TNRC6B: variants seen among roughly 807,000 people sequenced by gnomAD.
The protein encoded by TNRC6B is trinucleotide repeat-containing gene 6B protein.
TNRC6B carries 52 observed loss-of-function variants against 203.6 expected under a neutral mutation model. That is an observed-to-expected ratio of 0.26 (90% CI 0.20 to 0.32). The LOEUF (loss-of-function observed/expected upper bound fraction) is 0.32. Ranked by LOEUF, TNRC6B falls within the 10% of genes least tolerant of loss-of-function variation. The pLI is 1.00. For missense variants in TNRC6B, 1,923 were observed against 2,286.2 expected (o/e 0.84, Z 3.24); for synonymous variants, 838 against 845.7 (o/e 0.99, Z 0.16).
chr22:40,081,307 GTTTTTTT>G (rs34140652), intron 1 of TNRC6B, among the ~76,000 whole-genome samples: 3 of 101,504 alleles, frequency 3.0e-5, no homozygotes, highest in Non-Finnish European at 5.7e-5. Flanking sequence ...GTGTCTGCGT[GTTTTTTT>G]TTTTTTTTTT....
chr22:40,289,031 C>G (rs944939789), intron 12 of TNRC6B, among the ~76,000 whole-genome samples: 6 of 151,138 alleles, frequency 4.0e-5, no homozygotes, highest in Non-Finnish European at 7.4e-5. Context: ...CCAAGCTGGT[C>G]TGGGACTCTT....
At chr22:40,197,905 C>G (rs1241170632) in intron 1 of TNRC6B, among the ~76,000 whole-genome samples, 2 of 152,026 alleles carry the variant, frequency 1.3e-5, no homozygotes, top group Admixed American at 6.6e-5. Flanking sequence ...AGCCACCATG[C>G]CTGGCCCATT....
intron 3 of TNRC6B, among the ~76,000 whole-genome samples, chr22:40,152,849 C>G (rs753616515): frequency 1.6e-4 from 24 of 151,784 alleles, no homozygotes; most frequent in Middle Eastern, 6.8e-3. Context: ...ACCTATAATC[C>G]CAGCACTTTG....
rs1195826527 is a variant in TNRC6B, at chr22:40,276,276, G to A, written c.3142-801G>A. On this transcript the variant is annotated intron_variant, in intron 7 of 22. Coordinates refer to ENST00000454349, the MANE Select transcript of TNRC6B (RefSeq NM_001162501.2). ...GCAGGAGAATGGCGTGAGCCCGGGA[G>A]GCAAAGCTTGCAGTGAGTTGGGATG... Among the ~76,000 whole-genome samples the A allele has an allele frequency of 3.3e-5, 5 of 151,828 alleles. No individual in the cohort carries two copies. In the East Asian group the frequency reaches 9.7e-4, roughly 29 times the overall value.
At chr22:40,191,951 A>G (rs1203160771) in intron 1 of TNRC6B, among the ~76,000 whole-genome samples, 7 of 152,166 alleles carry the variant, frequency 4.6e-5, no homozygotes, top group Non-Finnish European at 8.8e-5. Flanking sequence ...GGGTTTCGCC[A>G]TGTTGGCCAG....
At chr22:40,073,888 G>C (rs2082783268) in intron 1 of TNRC6B, among the ~76,000 whole-genome samples, 1 of 152,056 alleles carries the variant, frequency 6.6e-6, no homozygotes, top group African/African-American at 2.4e-5. Flanking sequence ...CGAAACCCCA[G>C]CTCTACTAAA....
intron 3 of TNRC6B, among the ~76,000 whole-genome samples, chr22:40,259,354 G>C (rs1184004301): frequency 2.6e-5 from 4 of 152,088 alleles, no homozygotes; most frequent in Admixed American, 6.5e-5. Flanking sequence ...CTCCTGAGTA[G>C]CTGGGAATAC....
chr22:40,150,141 G>A (rs1201114608), intron 3 of TNRC6B, among the ~76,000 whole-genome samples: 1 of 152,084 alleles, frequency 6.6e-6, no homozygotes, highest in Non-Finnish European at 1.5e-5. Context: ...ACTTTGGGAG[G>A]CCAAGGCGGG....
At chr22:40,183,916 C>T (rs1300356046) in intron 1 of TNRC6B, among the ~76,000 whole-genome samples, 1 of 152,104 alleles carries the variant, frequency 6.6e-6, no homozygotes, top group Non-Finnish European at 1.5e-5. Context: ...AGGCTGATCT[C>T]GAACTCCTGA....
At chr22:40,312,439 A>T (rs981119563) in intron 17 of TNRC6B, 66 bp from the exon 18 acceptor site, 1 of 1,504,270 alleles carries the variant, frequency 6.6e-7, no homozygotes, top group African/African-American at 1.4e-5. Flanking sequence ...TCTTATGTCA[A>T]AAAAAGTACT....
chr22:40,139,733 C>T (rs2068629688), intron 3 of TNRC6B, among the ~76,000 whole-genome samples: 1 of 152,142 alleles, frequency 6.6e-6, no homozygotes, highest in East Asian at 1.9e-4. Flanking sequence ...CATTTTAATG[C>T]TGCTTTGAAC....
intron 1 of TNRC6B, among the ~76,000 whole-genome samples, chr22:40,095,979 T>C (rs1466027743): frequency 6.6e-6 from 1 of 152,096 alleles, no homozygotes; most frequent in Non-Finnish European, 1.5e-5. Context: ...AGCCTAGGCC[T>C]TCTAAGCAGT....
At chr22:40,147,904 T>G (rs2068709223) in intron 3 of TNRC6B, among the ~76,000 whole-genome samples, 1 of 152,214 alleles carries the variant, frequency 6.6e-6, no homozygotes, top group Non-Finnish European at 1.5e-5. Flanking sequence ...GAGTGACTGC[T>G]GTTACGTAAG....
chr22:40,049,991 TATTA>T (rs1378032104), intron 1 of TNRC6B, among the ~76,000 whole-genome samples: 9 of 152,330 alleles, frequency 5.9e-5, no homozygotes, highest in East Asian at 1.9e-4. Context: ...CGTTAGTTTC[TATTA>T]ATTATTATTC....
chr22:40,299,077 C>A (rs1226699071), intron 12 of TNRC6B, among the ~76,000 whole-genome samples: 1 of 142,518 alleles, frequency 7.0e-6, no homozygotes, highest in African/African-American at 2.7e-5. Context: ...GCCGGGAGGT[C>A]AAGGCTGCAG....
At chr22:40,235,106 G>T (rs5750909) in intron 1 of TNRC6B, among the ~76,000 whole-genome samples, 1 of 152,042 alleles carries the variant, frequency 6.6e-6, no homozygotes, top group Non-Finnish European at 1.5e-5. Flanking sequence ...AGTTATAATT[G>T]GCAATGGTTT....
At chr22:40,091,282 A>G (rs1005389191) in intron 1 of TNRC6B, among the ~76,000 whole-genome samples, 1 of 152,122 alleles carries the variant, frequency 6.6e-6, no homozygotes, top group Non-Finnish European at 1.5e-5. Context: ...ATTGGATACC[A>G]CTTGCTAACA....
chr22:40,069,276 T>A (rs1320620062), intron 1 of TNRC6B, among the ~76,000 whole-genome samples: 1 of 149,372 alleles, frequency 6.7e-6, no homozygotes, highest in African/African-American at 2.4e-5. Flanking sequence ...GATATAAAAT[T>A]TTTTTTTTTT....
intron 1 of TNRC6B, among the ~76,000 whole-genome samples, chr22:40,047,116 A>G (rs1156562682): frequency 2.0e-5 from 3 of 152,188 alleles, no homozygotes; most frequent in East Asian, 1.9e-4. Flanking sequence ...GAGAAAAGGG[A>G]TCTCCAGGAG....
Sources: gnomAD v4.1 joint callset for allele counts (sites outside exome capture counted in the v4.1 genomes callset) on GRCh38, gnomAD v4.1.1 for gene constraint, MANE v1.5 for transcripts, NCBI Gene and HGNC (gene_info 2026-07-23, HGNC 2026-07-21) for gene names.